AP1AR: variants seen among roughly 807,000 people sequenced by gnomAD.
AP1AR encodes the protein AP-1 complex-associated regulatory protein.
In AP1AR, 29 loss-of-function variants were observed where a neutral mutation model predicts 46.3. That is an observed-to-expected ratio of 0.63 (90% CI 0.47 to 0.85). AP1AR has a LOEUF of 0.85. Among genes scored for constraint, AP1AR ranks in the 40% least tolerant of loss-of-function variants. The pLI is 0.00. For missense variants in AP1AR, 357 were observed against 356.3 expected (o/e 1.00, Z -0.02); for synonymous variants, 122 against 122.9 (o/e 0.99, Z 0.05).
chr4:112,270,698 A>C lies in AP1AR; in HGVS notation c.*2289A>C, dbSNP rs943893044. ...GAGTTTGTTATGTTCTGTGAATAAA[A>C]AGACCACTGGGAATGAAGCATCATG... On this transcript the variant is annotated 3_prime_UTR_variant, in exon 10 of 10. Coordinates refer to ENST00000274000, the MANE Select transcript of AP1AR (RefSeq NM_018569.6). Among the ~76,000 whole-genome samples the C allele has an allele frequency of 6.6e-6, 1 of 152,204 alleles. No individual in the cohort carries two copies. The highest frequency in any genetic ancestry group is 6.5e-5 in the Admixed American group (1 of 15,282).
chr4:112,259,496 G>T (rs1356665464), intron 4 of AP1AR, among the ~76,000 whole-genome samples: 1 of 152,170 alleles, frequency 6.6e-6, no homozygotes, highest in Non-Finnish European at 1.5e-5. Flanking sequence ...GCATTGAGAA[G>T]AGAGCCAGGC....
At chr4:112,258,773 CA>C (rs1159503324) in intron 4 of AP1AR, among the ~76,000 whole-genome samples, 6 of 152,154 alleles carry the variant, frequency 3.9e-5, no homozygotes, top group African/African-American at 1.4e-4. Flanking sequence ...ATTATCAAAA[CA>C]ACTTTATGAA....
intron 2 of AP1AR, among the ~76,000 whole-genome samples, chr4:112,253,683 C>T (rs1291320234): frequency 3.9e-5 from 6 of 152,260 alleles, no homozygotes; most frequent in Admixed American, 3.9e-4. Context: ...CCATTTATTC[C>T]TTACCTACTA....
In AP1AR at chr4:112,266,584, C is replaced by T; in HGVS notation, c.515-4C>T. The T allele has an allele frequency of 6.2e-7, 1 of 1,608,578 alleles. No homozygotes were observed. The highest frequency in any genetic ancestry group is 8.5e-7 in the Non-Finnish European group (1 of 1,176,806). ...TATTCAATTGTATTTCGTGTATATT[C>T]TAGGACTCTCATCAGATGCTACAGT... On this transcript the variant is annotated splice_region_variant and splice_polypyrimidine_tract_variant and intron_variant, in intron 8 of 9. Transcript: ENST00000274000.
rs114427224 is a variant in AP1AR, at chr4:112,242,611, A to G, written c.83+10437A>G. 3.5e-3 allele frequency among the ~76,000 whole-genome samples: 535 copies of G among 152,248 alleles called. 1 individual carries two copies. Among genetic ancestry groups the G allele is most frequent in the African/African-American group, 0.012 (499 of 41,532 alleles). The stretch of plus-strand genomic sequence containing the variant: ...ACGGCAAAAGAGGAAGCAAGGAGGG[A>G]GTGCCAGGCTCTTTTTAACAACCTG... On this transcript the variant is annotated intron_variant, in intron 1 of 9. Coordinates refer to ENST00000274000, the MANE Select transcript of AP1AR (RefSeq NM_018569.6).
Position 112,253,222 on chromosome 4 carries a change from G to A in AP1AR, c.98G>A (p.Arg33Lys). Residue 33 changes from arginine to lysine, a missense_variant, in exon 2 of 10, where the codon AGA becomes AAA. Arg to Lys is a conservative substitution (Grantham distance 26). Transcript: ENST00000274000. ...VGGGGGSKYF[R>K]TCSRGEHLTI... ...TTCCTTCCCAGATCCAAGTATTTTAGAACATGCTCAAGAGGTGAGCACTTA... is the reference window on the plus strand; with the variant it reads ...TTCCTTCCCAGATCCAAGTATTTTAAAACATGCTCAAGAGGTGAGCACTTA... 6.2e-7 allele frequency: 1 copy of A among 1,610,500 alleles called. No individual in the cohort carries two copies. Among genetic ancestry groups the A allele is most frequent in the Non-Finnish European group, 8.5e-7 (1 of 1,178,570 alleles).
intron 1 of AP1AR, among the ~76,000 whole-genome samples, chr4:112,241,993 A>G (rs567186238): frequency 2.4e-4 from 36 of 152,346 alleles, no homozygotes; most frequent in Middle Eastern, 3.4e-3. Flanking sequence ...AGCAAAACAT[A>G]CAGGGAAAGA....
chr4:112,250,952 T>C (rs1186893491), intron 1 of AP1AR, among the ~76,000 whole-genome samples: 3 of 152,244 alleles, frequency 2.0e-5, no homozygotes, highest in African/African-American at 7.2e-5. Context: ...CAATTAAAAC[T>C]ATCTTAGGCA....
At chr4:112,263,178 C>A in intron 6 of AP1AR, 92 bp downstream of exon 6, 1 of 954,358 alleles carries the variant, frequency 1.0e-6, no homozygotes, top group Non-Finnish European at 1.6e-6. Context: ...TTCCTATTCT[C>A]AAGGACTTCT....
intron 1 of AP1AR, among the ~76,000 whole-genome samples, chr4:112,248,101 G>A (rs781767630): frequency 7.2e-5 from 11 of 152,092 alleles, no homozygotes; most frequent in Non-Finnish European, 1.5e-4. Context: ...GGAAATACAG[G>A]GGATAGAAGA....
chr4:112,266,871 T>G, intron 9 of AP1AR, 155 bp downstream of exon 9: 1 of 610,138 alleles, frequency 1.6e-6, no homozygotes, highest in Non-Finnish European at 2.6e-6. Flanking sequence ...GGTGATGATC[T>G]CTGTTGATAA....
At chr4:112,249,905 C>G (rs898671560) in intron 1 of AP1AR, among the ~76,000 whole-genome samples, 7 of 152,186 alleles carry the variant, frequency 4.6e-5, no homozygotes, top group Admixed American at 3.3e-4. Flanking sequence ...ATGGCAATTA[C>G]TATCATCTGA....
At position 112,260,853 on chromosome 4, in the gene AP1AR, T is replaced by C. The variant is rs1386124670; in HGVS notation, c.273T>C (p.Ile91=). 11 of 1,582,320 alleles carry C rather than the reference T, an allele frequency of 7.0e-6. No homozygotes were observed. Among genetic ancestry groups the C allele is most frequent in the Middle Eastern group, 3.9e-4 (2 of 5,174 alleles). The change falls in exon 5 of 10, where the codon ATT becomes ATC. Residue 91 remains isoleucine, a synonymous_variant. Transcript: ENST00000274000. The part of the protein sequence containing the change: ...AEKQKDLDKK[I]QKELALQEEK... ...AACAAAAAGATCTTGATAAGAAAAT[T>C]CAAAAAGAGGTAAATTGTCTTTTAT...
intron 5 of AP1AR, among the ~76,000 whole-genome samples, chr4:112,261,909 T>C (rs28706805): frequency 0.63 from 94,559 of 150,982 alleles, 31,356 homozygotes; most frequent in African/African-American, 0.85. Context: ...CTCAAGACTA[T>C]GGGAGGTCGA....
intron 2 of AP1AR, 146 bp from the exon 3 acceptor site, chr4:112,254,601 A>C (rs1450283378): frequency 2.2e-6 from 1 of 458,622 alleles, no homozygotes; most frequent in Non-Finnish European, 3.9e-6. Context: ...TATCAAATGA[A>C]ATGATGTATT....
rs76320556 is a variant in AP1AR, at chr4:112,271,125, T to C, written c.*2716T>C. Among the ~76,000 whole-genome samples the C allele has an allele frequency of 6.7e-3, 1,021 of 152,306 alleles. 8 individuals carry two copies. Among genetic ancestry groups the C allele is most frequent in the African/African-American group, 0.023 (958 of 41,564 alleles). On this transcript the variant is annotated 3_prime_UTR_variant, in exon 10 of 10. Transcript: ENST00000274000. Reference sequence around the variant, plus strand: ...ATCTGGCATGGTGCCGTGGCTACCTTGCTCACTGCACATAGTCCACGTAGG... The same window carrying C: ...ATCTGGCATGGTGCCGTGGCTACCTCGCTCACTGCACATAGTCCACGTAGG...
At chr4:112,261,929 A>G (rs1726461157) in intron 5 of AP1AR, among the ~76,000 whole-genome samples, 1 of 151,676 alleles carries the variant, frequency 6.6e-6, no homozygotes, top group South Asian at 2.1e-4. Context: ...AAGGGGAGCC[A>G]CTAGACTCCA....
intron 5 of AP1AR, among the ~76,000 whole-genome samples, chr4:112,261,968 C>CAA (rs372031744): frequency 2.9e-4 from 40 of 139,212 alleles, no homozygotes; most frequent in Non-Finnish European, 3.8e-4. Flanking sequence ...GACCCTGTCT[C>CAA]AAAAAAAAAA....
At chr4:112,236,414 C>T (rs35718105) in intron 1 of AP1AR, among the ~76,000 whole-genome samples, 82,187 of 145,180 alleles carry the variant, frequency 0.57, 24,406 homozygotes, top group African/African-American at 0.77. Context: ...TTTTTTTTTT[C>T]CCCCAAAAAG....
Sources: gnomAD v4.1 joint callset for allele counts (sites outside exome capture counted in the v4.1 genomes callset) on GRCh38, gnomAD v4.1.1 for gene constraint, MANE v1.5 for transcripts, NCBI Gene and HGNC (gene_info 2026-07-23, HGNC 2026-07-21) for gene names.